The following PCSK5 variants were observed in gnomAD, a reference collection of about 807,000 sequenced individuals.
PCSK5 encodes the protein proprotein convertase subtilisin/kexin type 5.
Under a neutral mutation model 233.2 loss-of-function variants are expected in PCSK5, and 129 were observed. The ratio of observed to expected loss-of-function variants is 0.55; its 90% CI spans 0.48 to 0.64. The LOEUF (loss-of-function observed/expected upper bound fraction) is 0.64, where lower values mean the gene tolerates loss of function less well. PCSK5 is among the 30% of genes least tolerant of loss of function. The pLI is 0.00. For synonymous variants in PCSK5, 825 were observed against 879.2 expected, an observed-to-expected ratio of 0.94 and a Z score of 1.09; for missense variants, 2,076 against 2,430.1, an observed-to-expected ratio of 0.85 and a Z score of 3.06.
chr9:75,900,694 AC>A lies in PCSK5; in HGVS notation c.192+9322del, dbSNP rs59631689. 5.0e-3 allele frequency among the ~76,000 whole-genome samples: 699 copies of A among 140,034 alleles called. 5 individuals are homozygous for A. The highest frequency in any genetic ancestry group is 0.017 in the African/African-American group (648 of 37,702). The allele number at this position is 140,034 out of a possible 152,430, so 91.9% of individuals were successfully genotyped here. ...ACTCTGTCTCAAAAAAAAAAAAAAA[AC>A]AAACAACTTTTTTTTTTTTTTTTAC... On this transcript the variant is annotated intron_variant, in intron 1 of 37. Coordinates refer to ENST00000674117, the MANE Select transcript of PCSK5 (RefSeq NM_001372043.1).
chr9:76,171,296 G>A (rs960108922), intron 13 of PCSK5, among the ~76,000 whole-genome samples: 13 of 152,166 alleles, frequency 8.5e-5, no homozygotes, highest in East Asian at 1.9e-4. Context: ...TAGGTGAAAC[G>A]GAAGCATGGT....
chr9:75,903,607 TATATTA>T (rs1826146098), intron 1 of PCSK5, among the ~76,000 whole-genome samples: 1 of 142,194 alleles, frequency 7.0e-6, no homozygotes, highest in South Asian at 2.2e-4. Flanking sequence ...ATTATATATA[TATATTA>T]TATATATATA....
At position 76,239,053 on chromosome 9, in the gene PCSK5, C is replaced by T. The variant is rs777976857; in HGVS notation, c.2961C>T (p.Pro987=). 36 of 1,611,596 alleles carry T rather than the reference C, an allele frequency of 2.2e-5. No homozygotes were observed. Among genetic ancestry groups the T allele is most frequent in the Non-Finnish European group, 3.0e-5 (35 of 1,179,474 alleles). The change falls in exon 23 of 38, where the codon CCC becomes CCT. Residue 987 remains proline (P), a synonymous_variant. Transcript: ENST00000674117. The stretch of plus-strand genomic sequence containing the variant: ...CCACTGAGGGGAACACCTGCCTGCC[C>T]TGCCCAGACAACTGTGAGCTTTGCC... ...HYATEGNTCL[P]CPDNCELCHS...
chr9:76,012,865 T>G (rs1827789737), intron 3 of PCSK5, among the ~76,000 whole-genome samples: 1 of 152,224 alleles, frequency 6.6e-6, no homozygotes, highest in Non-Finnish European at 1.5e-5. Context: ...CCCTGTTTTC[T>G]GAGCTTCCAT....
chr9:76,045,604 A>G (rs980210152), intron 5 of PCSK5, among the ~76,000 whole-genome samples: 4 of 152,256 alleles, frequency 2.6e-5, no homozygotes, highest in African/African-American at 9.6e-5. Flanking sequence ...TGTCTGAGCT[A>G]TTGACAGATG....
rs117138450 is a variant in PCSK5 at position 75,952,838 on chromosome 9, T to C, written c.297+20355T>C. On this transcript the variant is annotated intron_variant, in intron 2 of 37. Transcript: ENST00000674117. ...TGCTTAGTATTCTATTACATGGATG[T>C]ATCATGGCTTGTTGATCCATTCACC... 4.1e-4 allele frequency among the ~76,000 whole-genome samples: 62 copies of C among 152,368 alleles called. No homozygotes were observed. In the East Asian group the frequency reaches 0.011, roughly 27 times the overall value.
At chr9:76,211,085 T>C (rs1193390798) in intron 20 of PCSK5, among the ~76,000 whole-genome samples, 1 of 152,142 alleles carries the variant, frequency 6.6e-6, no homozygotes, top group Non-Finnish European at 1.5e-5. Context: ...CAGTGGGCAA[T>C]AGATGCAGGA....
intron 8 of PCSK5, among the ~76,000 whole-genome samples, chr9:76,101,463 C>A (rs1187743108): frequency 6.6e-6 from 1 of 152,072 alleles, no homozygotes; most frequent in Non-Finnish European, 1.5e-5. Context: ...TATCTATAAC[C>A]CCTCACCTCC....
intron 3 of PCSK5, among the ~76,000 whole-genome samples, chr9:76,010,172 C>T (rs1827671744): frequency 6.6e-6 from 1 of 152,144 alleles, no homozygotes; most frequent in African/African-American, 2.4e-5. Context: ...TTTCAGAGGA[C>T]AAAGGGCCAA....
At chr9:76,082,741 T>C (rs955899086) in intron 7 of PCSK5, among the ~76,000 whole-genome samples, 1 of 151,932 alleles carries the variant, frequency 6.6e-6, no homozygotes, top group Admixed American at 6.6e-5. Context: ...AATACACTTG[T>C]TGCAATCGAT....
Position 75,891,289 on chromosome 9 carries a change from C to T in PCSK5, c.108C>T (p.Thr36=), listed in dbSNP as rs890694039. The change falls in exon 1 of 38, where the codon ACC becomes ACT. Residue 36 remains threonine, a synonymous_variant. Coordinates refer to ENST00000674117, the MANE Select transcript of PCSK5 (RefSeq NM_001372043.1). ...CCGTGTGTCGGACGCGCGTCTACACCAACCACTGGGCAGTCAAAATCGCCG... is the reference window on the plus strand; with the variant it reads ...CCGTGTGTCGGACGCGCGTCTACACTAACCACTGGGCAGTCAAAATCGCCG... ...LLPVCRTRVY[T]NHWAVKIAGG... 3 of 1,547,614 alleles carry T rather than the reference C, an allele frequency of 1.9e-6. No homozygotes were observed. Among genetic ancestry groups the T allele is most frequent in the Non-Finnish European group, 2.6e-6 (3 of 1,153,884 alleles).
At chr9:76,044,744 T>A (rs1357592033) in intron 5 of PCSK5, among the ~76,000 whole-genome samples, 1 of 152,174 alleles carries the variant, frequency 6.6e-6, no homozygotes, top group Non-Finnish European at 1.5e-5. Context: ...TGTTACTCCT[T>A]TGTGGGAAAT....
At chr9:76,116,086 C>T (rs1832412748) in intron 9 of PCSK5, among the ~76,000 whole-genome samples, 1 of 151,784 alleles carries the variant, frequency 6.6e-6, no homozygotes, top group African/African-American at 2.4e-5. Flanking sequence ...ATGCATTTTG[C>T]CATCAATAGG....
At chr9:76,022,853 T>C (rs1169528553) in intron 3 of PCSK5, among the ~76,000 whole-genome samples, 2 of 152,172 alleles carry the variant, frequency 1.3e-5, no homozygotes, top group Admixed American at 6.5e-5. Flanking sequence ...CTCAAAAAAA[T>C]AGTGCTTGAT....
At chr9:76,012,963 T>C (rs943598036) in intron 3 of PCSK5, among the ~76,000 whole-genome samples, 1 of 152,192 alleles carries the variant, frequency 6.6e-6, no homozygotes, top group Admixed American at 6.5e-5. Context: ...TTTAGAACTG[T>C]TAGAATATTC....
chr9:76,192,287 A>T (rs190095289), intron 20 of PCSK5, among the ~76,000 whole-genome samples: 1 of 152,256 alleles, frequency 6.6e-6, no homozygotes, highest in East Asian at 1.9e-4. Flanking sequence ...AAGAAGAATC[A>T]TATCTGCAGT....
intron 10 of PCSK5, among the ~76,000 whole-genome samples, chr9:76,151,248 G>A (rs941963891): frequency 6.6e-6 from 1 of 152,154 alleles, no homozygotes; most frequent in Admixed American, 6.5e-5. Flanking sequence ...ACAGCTGCAG[G>A]CAGCTCTTTG....
intron 3 of PCSK5, among the ~76,000 whole-genome samples, chr9:75,992,623 G>C (rs1409478467): frequency 2.6e-5 from 4 of 151,696 alleles, no homozygotes; most frequent in African/African-American, 9.7e-5. Context: ...TTTTTTTTCT[G>C]CCTCACAGAA....
chr9:76,037,491 A>G (rs1828913994), intron 5 of PCSK5, among the ~76,000 whole-genome samples: 1 of 152,180 alleles, frequency 6.6e-6, no homozygotes, highest in African/African-American at 2.4e-5. Flanking sequence ...GTAAGTAAAG[A>G]TAAGGTTTTA....
Sources: gnomAD v4.1 joint callset for allele counts (sites outside exome capture counted in the v4.1 genomes callset) on GRCh38, gnomAD v4.1.1 for gene constraint, MANE v1.5 for transcripts, NCBI Gene and HGNC (gene_info 2026-07-23, HGNC 2026-07-21) for gene names.